The following SP7 variants were observed in gnomAD, a reference collection of about 807,000 sequenced individuals.
SP7 encodes the protein Sp7 transcription factor.
A neutral mutation model predicts 27.9 loss-of-function variants in SP7; 13 were observed. The ratio of observed to expected loss-of-function variants is 0.47; its 90% confidence interval spans 0.30 to 0.74. SP7 has a LOEUF of 0.74. Ranked by LOEUF, SP7 falls within the 30% of genes least tolerant of loss-of-function variation. The pLI, the probability that SP7 is intolerant of heterozygous loss-of-function variation, is 0.06. For synonymous variants in SP7, 219 were observed against 226.7 expected (o/e 0.97, Z 0.31); for missense variants, 525 against 558.0 (o/e 0.94, Z 0.60).
At position 53,342,052 on chromosome 12, in the gene SP7, C is replaced by T. The variant is rs577655338; in HGVS notation, c.-34+3062G>A. Reference sequence around the variant, plus strand: ...CAGCCTGGGCGACAGAGCGAGACTCCGTCTCAAAAAAAAAAACAAAAAACA... The same window carrying T: ...CAGCCTGGGCGACAGAGCGAGACTCTGTCTCAAAAAAAAAAACAAAAAACA... On this transcript the variant is annotated intron_variant, in intron 1 of 1. Coordinates refer to the SP7 transcript ENST00000547755. Among the ~76,000 whole-genome samples, 191 of 103,858 alleles carry T rather than the reference C, an allele frequency of 1.8e-3. 1 individual carries two copies. Among genetic ancestry groups the T allele is most frequent in the African/African-American group, 5.7e-3 (166 of 29,282 alleles). 68.1% of individuals were successfully genotyped at this position (103,858 alleles called of 152,430 possible).
At chr12:53,329,727 G>A (rs767578576) in intron 2 of SP7, among the ~76,000 whole-genome samples, 5 of 151,958 alleles carry the variant, frequency 3.3e-5, no homozygotes, top group African/African-American at 7.3e-5. Flanking sequence ...CAAGGAACAG[G>A]AGGTTCTTTT....
intron 2 of SP7, 46 bp downstream of exon 2, chr12:53,335,580 C>A (rs759414768): frequency 1.0e-6 from 1 of 986,602 alleles, no homozygotes; most frequent in East Asian, 2.6e-5. Flanking sequence ...GGACTAGGAC[C>A]ATTAAGGTTG....
rs1474350104 is a variant in SP7 at position 53,335,617 on chromosome 12, G to A, written c.21+9C>T. The A allele has an allele frequency of 1.2e-5, 18 of 1,488,234 alleles. No homozygotes were observed. Among genetic ancestry groups the A allele is most frequent in the Non-Finnish European group, 1.6e-5 (17 of 1,095,282 alleles). The allele number at this position is 1,488,234 out of a possible 1,614,324, so 92.2% of individuals were successfully genotyped here. On this transcript the variant is annotated intron_variant, in intron 2 of 2. Transcript: ENST00000536324. ...GGCTGGTTTCCTGGGGGGAAGAGGG[G>A]ACAGTTACCTCAAGCAGGGAGGACG...
chr12:53,332,302 G>A (rs1395559765), intron 2 of SP7, among the ~76,000 whole-genome samples: 1 of 152,198 alleles, frequency 6.6e-6, no homozygotes, highest in Non-Finnish European at 1.5e-5. Context: ...AATTGGCATT[G>A]AATAGCAGAA....
upstream of SP7, among the ~76,000 whole-genome samples, chr12:53,340,436 TC>T (rs1944813205): frequency 6.6e-6 from 1 of 152,020 alleles, no homozygotes; most frequent in Non-Finnish European, 1.5e-5. Context: ...TATAAGAAGT[TC>T]CAGTGTACCT....
upstream of SP7, among the ~76,000 whole-genome samples, chr12:53,338,050 T>C (rs982341511): frequency 4.1e-5 from 6 of 145,166 alleles, no homozygotes; most frequent in Non-Finnish European, 6.0e-5. Flanking sequence ...GGAACAAAGA[T>C]GGGGAGACAA....
upstream of SP7, among the ~76,000 whole-genome samples, chr12:53,338,806 A>C (rs1459233120): frequency 6.6e-6 from 1 of 152,162 alleles, no homozygotes; most frequent in Non-Finnish European, 1.5e-5. Flanking sequence ...ATCAGCGCCA[A>C]AGATAGGCAG....
chr12:53,333,256 T>G (rs140581462), intron 2 of SP7, among the ~76,000 whole-genome samples: 1 of 152,310 alleles, frequency 6.6e-6, no homozygotes, highest in African/African-American at 2.4e-5. Flanking sequence ...TGTGTCCCCA[T>G]ACCTGATCAA....
chr12:53,328,453 A>G lies in SP7; in HGVS notation c.989T>C (p.Phe330Ser). The change falls in exon 3 of 3, where the codon TTC becomes TCC. Residue 330 changes from phenylalanine to serine, a missense_variant. Coordinates refer to ENST00000536324, the MANE Select transcript of SP7 (RefSeq NM_001173467.3). The surrounding 1 kb of genome is among the most constrained non-coding windows in gnomAD (Gnocchi z 5.1). ...GERPFVCNWLFCGKRFTRSDE... is the reference protein window; with the variant it reads ...GERPFVCNWLSCGKRFTRSDE... The stretch of plus-strand genomic sequence containing the variant: ...CGAACGAGTGAACCTCTTGCCGCAG[A>G]AGAGCCAGTTGCAGACGAAGGGCCT... The G allele has an allele frequency of 6.2e-7, 1 of 1,613,940 alleles. No individual in the cohort carries two copies. The highest frequency in any genetic ancestry group is 8.5e-7 in the Non-Finnish European group (1 of 1,179,890).
At position 53,334,370 on chromosome 12, in the gene SP7, ACACACT is replaced by A. The variant is rs1944742380; in HGVS notation, c.21+1250_21+1255del. Among the ~76,000 whole-genome samples, 4 of 138,640 alleles carry A rather than the reference ACACACT, an allele frequency of 2.9e-5. No homozygotes were observed. The South Asian group carries it at 9.0e-4, about 31-fold the overall frequency. 91.0% of individuals were successfully genotyped at this position (138,640 alleles called of 152,430 possible). A position where few individuals can be genotyped will look rare whatever the true frequency, so the allele number is the denominator to read the frequency against. On this transcript the variant is annotated intron_variant, in intron 2 of 2. Transcript: ENST00000536324. ...CACACACACACACACACACACACACACACACTCTCAGGGCCTGTGGCACCCTCGACT... is the reference window on the plus strand; with the variant it reads ...CACACACACACACACACACACACACACTCAGGGCCTGTGGCACCCTCGACT...
chr12:53,335,442 C>G (rs1944755941), intron 2 of SP7, among the ~76,000 whole-genome samples, 184 bp downstream of exon 2: 1 of 151,876 alleles, frequency 6.6e-6, no homozygotes, highest in Admixed American at 6.6e-5. Context: ...CTATTCTTCC[C>G]TCCCTTTTCT....
rs752735792 is a variant in SP7, at chr12:53,329,108, C to T, written c.334G>A (p.Val112Met). 2 of 1,613,842 alleles carry T rather than the reference C, an allele frequency of 1.2e-6. No homozygotes were observed. Among genetic ancestry groups the T allele is most frequent in the South Asian group, 1.1e-5 (1 of 91,084 alleles). ...PTGTQDPGLL[V>M]PKGHSSSDCL... ...TCAGAAGAGCTGTGCCCCTTGGGCA[C>T]TAGTAGCCCAGGGTCCTGGGTGCCT... The change falls in exon 3 of 3, where the codon GTG becomes ATG. Residue 112 changes from valine to methionine, a missense_variant. Physicochemically the swap from Val to Met is conservative, Grantham distance 21. Transcript: ENST00000536324.
Position 53,329,182 on chromosome 12 carries a change from C to A in SP7, c.260G>T (p.Gly87Val). 1 of 1,613,786 alleles carries A rather than the reference C, an allele frequency of 6.2e-7. No individual in the cohort carries two copies. Among genetic ancestry groups the A allele is most frequent in the Non-Finnish European group, 8.5e-7 (1 of 1,179,866 alleles). The change falls in exon 3 of 3, where the codon GGC becomes GTC. Residue 87 changes from glycine to valine, a missense_variant. Transcript: ENST00000536324. ...AAAGGGAGGGTAATCATTAGCATAGCCTGAGGTGGGTGCTGGAGGACTGCC... is the reference window on the plus strand; with the variant it reads ...AAAGGGAGGGTAATCATTAGCATAGACTGAGGTGGGTGCTGGAGGACTGCC... The part of the protein sequence containing the change: ...PAGSPPAPTS[G>V]YANDYPPFSH...
chr12:53,339,202 G>A (rs546165862), upstream of SP7, among the ~76,000 whole-genome samples: 22 of 152,308 alleles, frequency 1.4e-4, no homozygotes, highest in African/African-American at 5.3e-4. Context: ...CCCAGACGCT[G>A]AGCTCCAAGG....
chr12:53,337,441 C>G (rs1195975264), upstream of SP7, among the ~76,000 whole-genome samples: 1 of 152,240 alleles, frequency 6.6e-6, no homozygotes, highest in Non-Finnish European at 1.5e-5. Flanking sequence ...GACTGGGCAG[C>G]TAAGTGGTGA....
At chr12:53,343,488 A>C (rs527239029) in intron 1 of SP7, among the ~76,000 whole-genome samples, 1 of 152,284 alleles carries the variant, frequency 6.6e-6, no homozygotes, top group East Asian at 1.9e-4. Flanking sequence ...AGCTTGGGTG[A>C]GCTATTTAAC....
chr12:53,334,542 C>G (rs1031202878), intron 2 of SP7, among the ~76,000 whole-genome samples: 1 of 152,176 alleles, frequency 6.6e-6, no homozygotes. Flanking sequence ...AGCTAGGGCA[C>G]TGGGAAGAGA....
intron 2 of SP7, among the ~76,000 whole-genome samples, chr12:53,335,365 G>A (rs1309234258): frequency 6.0e-5 from 9 of 150,390 alleles, no homozygotes; most frequent in Non-Finnish European, 8.9e-5. Context: ...ACCTTAGGTA[G>A]GGGTCCATGC....
Position 53,328,735 on chromosome 12 carries a change from T to C in SP7, c.707A>G (p.Asn236Ser), listed in dbSNP as rs1944665522. Residue 236 changes from asparagine to serine, a missense_variant, in exon 3 of 3, where the codon AAT (asparagine) becomes AGT (serine). By Grantham distance (46) the Asn-to-Ser change is conservative (BLOSUM62 1). Coordinates refer to ENST00000536324, the MANE Select transcript of SP7 (RefSeq NM_001173467.3). The surrounding 1 kb of genome is among the most constrained non-coding windows in gnomAD (Gnocchi z 5.1). ...ACCACTCCCTTCTAGCTGCCCACTA[T>C]TTCCCACTGCCTTGGGTTTATAGAC... ...QDVYKPKAVG[N>S]SGQLEGSGGA... 3 of 1,606,764 alleles carry C rather than the reference T, an allele frequency of 1.9e-6. No individual in the cohort carries two copies. The highest frequency in any genetic ancestry group is 1.7e-6 in the Non-Finnish European group (2 of 1,174,738).
Sources: allele counts gnomAD v4.1 joint callset (sites outside exome capture counted in the v4.1 genomes callset), GRCh38; gene constraint gnomAD v4.1.1; non-coding constraint Gnocchi (gnomAD v3.1); transcripts MANE v1.5; gene names NCBI Gene and HGNC (gene_info 2026-07-23, HGNC 2026-07-21).